The following STX7 variants were observed in gnomAD, a reference collection of about 807,000 sequenced individuals.
STX7 encodes syntaxin 7.
Under a neutral mutation model 39.6 loss-of-function variants are expected in STX7, and 34 were observed. The ratio of observed to expected loss-of-function variants is 0.86; its 90% CI spans 0.65 to 1.14. The LOEUF is 1.14. Among genes scored for constraint, STX7 ranks in the 50% most tolerant of loss-of-function variants. STX7 has a pLI of 0.00. For synonymous variants in STX7, 119 were observed against 99.1 expected (o/e 1.20, Z -1.19); for missense variants, 284 against 310.4 (o/e 0.92, Z 0.64).
chr6:132,497,517 G>C (rs1775446447), intron 2 of STX7, among the ~76,000 whole-genome samples: 1 of 152,142 alleles, frequency 6.6e-6, no homozygotes, highest in Admixed American at 6.5e-5. Flanking sequence ...CAAATAATTT[G>C]TCTAGTACTC....
At chr6:132,468,175 G>A (rs1422124438) in intron 8 of STX7, among the ~76,000 whole-genome samples, 1 of 152,094 alleles carries the variant, frequency 6.6e-6, no homozygotes, top group African/African-American at 2.4e-5. Flanking sequence ...ATTAAATTTG[G>A]GCTTCTGAAA....
At chr6:132,489,380 C>T (rs923114400) in intron 2 of STX7, among the ~76,000 whole-genome samples, 9 of 151,904 alleles carry the variant, frequency 5.9e-5, no homozygotes, top group African/African-American at 2.2e-4. Context: ...ATTAGAAATA[C>T]CCATGTCTAT....
chr6:132,499,504 A>C (rs1775498986), intron 2 of STX7, among the ~76,000 whole-genome samples: 1 of 152,318 alleles, frequency 6.6e-6, no homozygotes, highest in Admixed American at 6.5e-5. Context: ...TGTTCTTTTC[A>C]AAGTCACCAG....
rs1774157873 is a variant in STX7, at chr6:132,452,607, T to C, written c.*8151A>G. On this transcript the variant is annotated 3_prime_UTR_variant, in exon 10 of 10. Transcript: ENST00000367941. ...TTAGAATAGACATGTGAACAGGAAATTCAAAATACAATGCCATTTACAATC... is the reference window on the plus strand; with the variant it reads ...TTAGAATAGACATGTGAACAGGAAACTCAAAATACAATGCCATTTACAATC... 1 of 152,096 alleles carries C rather than the reference T, an allele frequency of 6.6e-6. No homozygotes were observed. Among genetic ancestry groups the C allele is most frequent in the Non-Finnish European group, 1.5e-5 (1 of 67,970 alleles). 9.4% of individuals were successfully genotyped at this position (152,096 alleles called of 1,614,324 possible).
At chr6:132,508,178 C>T (rs1775754921) in intron 1 of STX7, among the ~76,000 whole-genome samples, 1 of 152,220 alleles carries the variant, frequency 6.6e-6, no homozygotes, top group East Asian at 1.9e-4. Context: ...AGAAACTCAT[C>T]ACCTGTCTCA....
intron 1 of STX7, among the ~76,000 whole-genome samples, chr6:132,505,612 ACTTC>A (rs1775677959): frequency 6.6e-6 from 1 of 152,076 alleles, no homozygotes; most frequent in Admixed American, 6.6e-5. Context: ...ACAGGAATAA[ACTTC>A]CTTCCAGGTA....
In STX7 at chr6:132,450,439, T is replaced by C. The variant is rs1411490978; in HGVS notation, c.*10319A>G. On this transcript the variant is annotated 3_prime_UTR_variant, in exon 10 of 10. Coordinates refer to ENST00000367941, the MANE Select transcript of STX7 (RefSeq NM_003569.3). ...TCATTCCTAAATTTTTTATGTCTTC[T>C]GTTTTTTTCCAAATCGGTTTCACCA... 6.6e-6 allele frequency: 1 copy of C among 152,182 alleles called. No individual in the cohort carries two copies. Among genetic ancestry groups the C allele is most frequent in the Non-Finnish European group, 1.5e-5 (1 of 68,024 alleles). The allele number at this position is 152,182 out of a possible 1,614,324, so 9.4% of individuals were successfully genotyped here.
intron 9 of STX7, among the ~76,000 whole-genome samples, chr6:132,462,295 C>T (rs906012226): frequency 9.9e-5 from 15 of 152,194 alleles, no homozygotes; most frequent in African/African-American, 3.4e-4. Flanking sequence ...AAAGCTGCCT[C>T]TTTTCTCAGC....
chr6:132,510,577 G>GA (rs1270029848), intron 1 of STX7, among the ~76,000 whole-genome samples: 1 of 152,088 alleles, frequency 6.6e-6, no homozygotes, highest in African/African-American at 2.4e-5. Context: ...TAAGTTAAAT[G>GA]AAAAAAATCA....
intron 1 of STX7, 80 bp downstream of exon 1, chr6:132,512,927 A>G (rs908131339): frequency 6.6e-6 from 1 of 152,246 alleles, no homozygotes; most frequent in Non-Finnish European, 1.5e-5. Context: ...ACGCGCACAA[A>G]CAAGAAGGCG....
At chr6:132,487,546 T>C (rs1775170207) in intron 2 of STX7, among the ~76,000 whole-genome samples, 1 of 152,040 alleles carries the variant, frequency 6.6e-6, no homozygotes, top group Admixed American at 6.5e-5. Context: ...AAAACCTAGA[T>C]GATGGGTTAG....
At chr6:132,498,961 C>T (rs1456799996) in intron 2 of STX7, among the ~76,000 whole-genome samples, 2 of 152,134 alleles carry the variant, frequency 1.3e-5, no homozygotes, top group Non-Finnish European at 1.5e-5. Context: ...ATTTGCTAAA[C>T]CCCCTTCTTT....
At chr6:132,480,877 T>G (rs1774999592) in intron 2 of STX7, among the ~76,000 whole-genome samples, 1 of 152,238 alleles carries the variant, frequency 6.6e-6, no homozygotes, top group African/African-American at 2.4e-5. Flanking sequence ...TGCTCTGCAA[T>G]GTATATATTT....
At chr6:132,464,910 A>G (rs1196550300) in intron 8 of STX7, among the ~76,000 whole-genome samples, 1 of 152,104 alleles carries the variant, frequency 6.6e-6, no homozygotes, top group Non-Finnish European at 1.5e-5. Context: ...GTCATTTTGA[A>G]GCATGAGACC....
chr6:132,447,928 T>A lies in STX7; in HGVS notation c.*12830A>T, dbSNP rs1416104332. 6.6e-6 allele frequency: 1 copy of A among 152,142 alleles called. No individual in the cohort carries two copies. The highest frequency in any genetic ancestry group is 1.5e-5 in the Non-Finnish European group (1 of 68,014). 9.4% of individuals were successfully genotyped at this position (152,142 alleles called of 1,614,324 possible). On this transcript the variant is annotated 3_prime_UTR_variant, in exon 10 of 10. Transcript: ENST00000367941. ...TCTATGCTTTTTCTTCCTTCTTGCA[T>A]TTTTGTGGTCTATCAAAGTTGGGAT...
intron 1 of STX7, among the ~76,000 whole-genome samples, 170 bp downstream of exon 1, chr6:132,512,837 G>T (rs1369282712): frequency 6.6e-6 from 1 of 152,110 alleles, no homozygotes; most frequent in African/African-American, 2.4e-5. Flanking sequence ...AGCCGCAGGC[G>T]CTCCGGGAGC....
In STX7 at chr6:132,467,607, A is replaced by G. The variant is rs1582649112; in HGVS notation, c.610+796T>C. Among the ~76,000 whole-genome samples the G allele has an allele frequency of 3.3e-5, 5 of 152,280 alleles. No individual in the cohort carries two copies. In the South Asian group the frequency reaches 1.0e-3, roughly 32 times the overall value. On this transcript the variant is annotated intron_variant, in intron 8 of 9. Coordinates refer to ENST00000367941, the MANE Select transcript of STX7 (RefSeq NM_003569.3). The stretch of plus-strand genomic sequence containing the variant: ...TGTCTGGACATAGTAGCCACTCAAC[A>G]TATTTCGGATGATGAATAAATTGGT...
Position 132,449,345 on chromosome 6 carries a change from G to A in STX7, c.*11413C>T, listed in dbSNP as rs1170974847. ...GGGCTCTTGCTTCATTTCCCAGGTT[G>A]ATCTCAAACTCCTGGCTTCAAGTGA... is the stretch of plus-strand genomic sequence containing the variant. On this transcript the variant is annotated 3_prime_UTR_variant, in exon 10 of 10. Coordinates refer to ENST00000367941, the MANE Select transcript of STX7 (RefSeq NM_003569.3). 1 of 151,966 alleles carries A rather than the reference G, an allele frequency of 6.6e-6. No homozygotes were observed. The highest frequency in any genetic ancestry group is 2.4e-5 in the African/African-American group (1 of 41,346). The allele number at this position is 151,966 out of a possible 1,614,324, so 9.4% of individuals were successfully genotyped here.
intron 1 of STX7, among the ~76,000 whole-genome samples, chr6:132,512,128 C>A (rs1295712988): frequency 6.6e-6 from 1 of 152,160 alleles, no homozygotes; most frequent in East Asian, 1.9e-4. Flanking sequence ...GAAGAAATGT[C>A]CACTTCCAAC....
Sources: allele counts gnomAD v4.1 joint callset (sites outside exome capture counted in the v4.1 genomes callset), GRCh38; gene constraint gnomAD v4.1.1; transcripts MANE v1.5; gene names NCBI Gene and HGNC (gene_info 2026-07-23, HGNC 2026-07-21).